Variants in STK38L observed in about 807,000 individuals in gnomAD.
STK38L encodes the protein serine/threonine kinase 38 like.
STK38L carries 28 observed loss-of-function variants against 59.7 expected under a neutral mutation model. The ratio of observed to expected loss-of-function variants is 0.47; its 90% CI spans 0.35 to 0.64. The LOEUF (loss-of-function observed/expected upper bound fraction) is 0.64. STK38L is among the 30% of genes least tolerant of loss of function. The pLI is 0.01. For synonymous variants in STK38L, 162 were observed against 176.8 expected (o/e 0.92, Z 0.66); for missense variants, 314 against 555.8 (o/e 0.56, Z 4.37).
chr12:27,312,114 C>T (rs371534764), intron 5 of STK38L, among the ~76,000 whole-genome samples: 4 of 151,606 alleles, frequency 2.6e-5, no homozygotes, highest in Non-Finnish European at 5.9e-5. Context: ...CTCCTGACCT[C>T]GTGATCCACC....
chr12:27,320,080 TACTCCTCTTCCC>T (rs2136653313), intron 12 of STK38L, among the ~76,000 whole-genome samples: 1 of 152,326 alleles, frequency 6.6e-6, no homozygotes, highest in South Asian at 2.1e-4. Context: ...TGGCCTCTCC[TACTCCTCTTCCC>T]ACCTCTAAGT....
rs554607721 is a variant in STK38L, at chr12:27,312,791, G to T, written c.517+119G>T. ...TGCTCTGAGGCTTTACATAGTCACA[G>T]TTTAAAAATATTTACTACCATATTG... On this transcript the variant is annotated intron_variant, in intron 6 of 13. Coordinates refer to ENST00000389032, the MANE Select transcript of STK38L (RefSeq NM_015000.4). 176 of 1,243,268 alleles carry T rather than the reference G, an allele frequency of 1.4e-4. 3 individuals carry two copies. In the South Asian group the frequency reaches 2.1e-3, roughly 14 times the overall value. The allele number at this position is 1,243,268 out of a possible 1,614,324, so 77.0% of individuals were successfully genotyped here. A position where few individuals can be genotyped will look rare whatever the true frequency, so the allele number is the denominator to read the frequency against.
intron 1 of STK38L, among the ~76,000 whole-genome samples, chr12:27,252,774 T>A (rs1943005664): frequency 6.6e-6 from 1 of 152,230 alleles, no homozygotes; most frequent in African/African-American, 2.4e-5. Flanking sequence ...CCATTGATAT[T>A]CTTGATACTG....
intron 2 of STK38L, 21 bp from the exon 3 acceptor site, chr12:27,302,116 A>AT (rs756208055): frequency 2.8e-4 from 447 of 1,572,038 alleles, no homozygotes; most frequent in South Asian, 6.2e-4. Flanking sequence ...TTAAAATTTA[A>AT]TTTTTTTTTC....
At chr12:27,316,517 TCA>T (rs1944587894) in intron 9 of STK38L, among the ~76,000 whole-genome samples, 1 of 152,164 alleles carries the variant, frequency 6.6e-6, no homozygotes, top group African/African-American at 2.4e-5. Flanking sequence ...TAGAGAGGAC[TCA>T]GTGTTTGGGG....
At chr12:27,318,051 G>A (rs763082645) in intron 11 of STK38L, 32 bp downstream of exon 11, 2 of 1,611,352 alleles carry the variant, frequency 1.2e-6, no homozygotes, top group Non-Finnish European at 1.7e-6. Flanking sequence ...GGAGTTCATA[G>A]TGTCTTAAAA....
intron 2 of STK38L, among the ~76,000 whole-genome samples, chr12:27,301,228 G>A (rs1055175434): frequency 2.6e-5 from 4 of 152,124 alleles, no homozygotes. Flanking sequence ...ACCTAGAAAA[G>A]CAAATGTTCT....
Position 27,322,213 on chromosome 12 carries a change from G to GAATCTGATATTTTACAACCAGGTAAGAC in STK38L, c.1253_1267+13dup. On this transcript the variant is annotated frameshift_variant, in exon 13 of 14. Coordinates refer to ENST00000389032, the MANE Select transcript of STK38L (RefSeq NM_015000.4). LOFTEE classifies it low-confidence loss of function (END_TRUNC). The stretch of plus-strand genomic sequence containing the variant: ...TACTTCAAATTTTGATGACTTCCCT[G>GAATCTGATATTTTACAACCAGGTAAGAC]AATCTGATATTTTACAACCAGGTAA... 1 of 1,613,914 alleles carries GAATCTGATATTTTACAACCAGGTAAGAC rather than the reference G, an allele frequency of 6.2e-7. No homozygotes were observed. The highest frequency in any genetic ancestry group is 2.2e-5 in the East Asian group (1 of 44,864).
At chr12:27,314,013 C>G (rs1944523720) in intron 6 of STK38L, among the ~76,000 whole-genome samples, 1 of 152,106 alleles carries the variant, frequency 6.6e-6, no homozygotes, top group Non-Finnish European at 1.5e-5. Flanking sequence ...TGCCTTAAAA[C>G]CATTAAAAGT....
At chr12:27,273,989 T>C (rs1364315992) in intron 1 of STK38L, among the ~76,000 whole-genome samples, 2 of 152,066 alleles carry the variant, frequency 1.3e-5, no homozygotes, top group Non-Finnish European at 1.5e-5. Flanking sequence ...GTGCGGTGGT[T>C]CACGCCTGTA....
chr12:27,318,034 T>A lies in STK38L; in HGVS notation c.1079+15T>A, dbSNP rs373383992. 2.5e-6 allele frequency: 4 copies of A among 1,613,014 alleles called. No individual in the cohort carries two copies. The African/African-American group carries it at 5.3e-5, about 22-fold the overall frequency. On this transcript the variant is annotated intron_variant, in intron 11 of 13. Transcript: ENST00000389032. ...TTAATTCTCAGGTTAGTGGTTAAAT[T>A]CCTAGAGGAGTTCATAGTGTCTTAA... is the stretch of plus-strand genomic sequence containing the variant.
At chr12:27,312,275 T>A (rs143848882) in intron 5 of STK38L, among the ~76,000 whole-genome samples, 4 of 152,222 alleles carry the variant, frequency 2.6e-5, no homozygotes, top group Admixed American at 2.0e-4. Flanking sequence ...GGTTAAAAAG[T>A]TGTTAGACTG....
chr12:27,298,714 A>G (rs144945847), intron 2 of STK38L, among the ~76,000 whole-genome samples: 200 of 152,314 alleles, frequency 1.3e-3, no homozygotes, highest in Non-Finnish European at 2.4e-3. Flanking sequence ...AACTATTTAT[A>G]CATGCATAAA....
intron 9 of STK38L, among the ~76,000 whole-genome samples, chr12:27,315,652 C>T (rs1418414032): frequency 2.0e-5 from 3 of 152,112 alleles, no homozygotes; most frequent in Non-Finnish European, 4.4e-5. Flanking sequence ...TAATGAATGC[C>T]TTGTGATTTC....
At chr12:27,248,743 G>T (rs1021884688) in intron 1 of STK38L, among the ~76,000 whole-genome samples, 2 of 152,222 alleles carry the variant, frequency 1.3e-5, no homozygotes, top group African/African-American at 4.8e-5. Flanking sequence ...GACAGTTGAT[G>T]GTTGATGAGC....
rs752335839 is a variant in STK38L at position 27,315,112 on chromosome 12, A to C, written c.770A>C (p.Asp257Ala). ...YRNLTHNPPS[D>A]FSFQNMNSKR... ...AATCTCACACACAACCCACCAAGTG[A>C]CTTCTGTAAGTTTGGTTGTTGTTTT... is the stretch of plus-strand genomic sequence containing the variant. Residue 257 changes from aspartate (D) to alanine (A), a missense_variant, in exon 8 of 14, where the codon GAC becomes GCC. Asp to Ala is a moderately radical substitution (Grantham distance 126). This residue lies in a region of STK38L where 192 missense variants were observed against 316.9 expected (regional missense o/e 0.61). Transcript: ENST00000389032. 1.8e-5 allele frequency: 29 copies of C among 1,612,938 alleles called. No individual in the cohort carries two copies. Among genetic ancestry groups the C allele is most frequent in the Non-Finnish European group, 2.5e-5 (29 of 1,179,348 alleles).
intron 1 of STK38L, among the ~76,000 whole-genome samples, chr12:27,266,542 G>A (rs771731624): frequency 1.3e-5 from 2 of 152,192 alleles, no homozygotes; most frequent in Admixed American, 1.3e-4. Flanking sequence ...CTTTTAAGCT[G>A]TGTAGGAAAC....
intron 1 of STK38L, among the ~76,000 whole-genome samples, chr12:27,274,538 T>C (rs1943492697): frequency 1.3e-5 from 2 of 152,236 alleles, no homozygotes. Context: ...ATCTGTACTG[T>C]GTGGCAGTGA....
chr12:27,318,042 G>A, intron 11 of STK38L, 23 bp downstream of exon 11: 1 of 1,612,662 alleles, frequency 6.2e-7, no homozygotes, highest in African/African-American at 1.3e-5. Context: ...ATTCCTAGAG[G>A]AGTTCATAGT....
Sources: allele counts gnomAD v4.1 joint callset (sites outside exome capture counted in the v4.1 genomes callset), GRCh38; gene constraint gnomAD v4.1.1; regional missense constraint gnomAD v4.1.1; transcripts MANE v1.5; gene names NCBI Gene and HGNC (gene_info 2026-07-23, HGNC 2026-07-21).